FOCAD: variants seen among roughly 807,000 people sequenced by gnomAD.
FOCAD encodes the protein KIAA1797.
FOCAD carries 198 observed loss-of-function variants against 225.6 expected under a neutral mutation model. That is an observed-to-expected ratio of 0.88 (90% CI 0.78 to 0.99). FOCAD has a LOEUF of 0.99. Ranked by LOEUF, FOCAD falls within the 50% of genes least tolerant of loss-of-function variation. The pLI is 0.00. For missense variants in FOCAD, 2,713 were observed against 2,123.6 expected, an observed-to-expected ratio of 1.28 and a Z score of -5.46; for synonymous variants, 897 against 755.0, an observed-to-expected ratio of 1.19 and a Z score of -3.08.
chr9:20,749,048 C>G (rs989871617), intron 5 of FOCAD, among the ~76,000 whole-genome samples: 10 of 152,026 alleles, frequency 6.6e-5, no homozygotes, highest in African/African-American at 2.4e-4. Context: ...GATCATAGCA[C>G]ACAACTTAAT....
At chr9:20,801,986 C>G (rs1358879961) in intron 11 of FOCAD, among the ~76,000 whole-genome samples, 1 of 151,978 alleles carries the variant, frequency 6.6e-6, no homozygotes, top group Non-Finnish European at 1.5e-5. Flanking sequence ...GAGCTTTTCA[C>G]GATAGTTGTT....
At chr9:20,743,634 G>T (rs541370127) in intron 5 of FOCAD, among the ~76,000 whole-genome samples, 3 of 152,130 alleles carry the variant, frequency 2.0e-5, no homozygotes, top group African/African-American at 7.2e-5. Flanking sequence ...AACTTGTCTT[G>T]CATAAGAACC....
intron 15 of FOCAD, among the ~76,000 whole-genome samples, chr9:20,860,309 T>A (rs1828647467): frequency 1.3e-5 from 2 of 152,162 alleles, no homozygotes; most frequent in African/African-American, 4.8e-5. Context: ...CCCATTTTCA[T>A]ACTGCTGATA....
Position 20,936,153 on chromosome 9 carries a change from C to T in FOCAD, c.3407+3050C>T, listed in dbSNP as rs368848801. Among the ~76,000 whole-genome samples the T allele has an allele frequency of 1.7e-3, 259 of 152,222 alleles. 6 individuals carry two copies. In the South Asian group the frequency reaches 0.051, roughly 30 times the overall value. On this transcript the variant is annotated intron_variant, in intron 28 of 43. Coordinates refer to ENST00000338382, the MANE Select transcript of FOCAD (RefSeq NM_001375567.1). Reference sequence around the variant, plus strand: ...CGTTTTGGAACGTCAGGCATGAATCCTCTGGTGTTCATTGTTACTAGGAAT... The same window carrying T: ...CGTTTTGGAACGTCAGGCATGAATCTTCTGGTGTTCATTGTTACTAGGAAT...
Position 20,929,463 on chromosome 9 carries a change from G to A in FOCAD, c.3184G>A (p.Val1062Ile). ...PVFIISCKEK[V>I]EEILNMLTAR... Reference sequence around the variant, plus strand: ...TTTCATTATCTCTTGCAAAGAGAAGGTTGAGGAAATCCTGAACATGCTGAC... The same window carrying A: ...TTTCATTATCTCTTGCAAAGAGAAGATTGAGGAAATCCTGAACATGCTGAC... The change falls in exon 27 of 44, where the codon GTT becomes ATT. Residue 1062 changes from valine (V) to isoleucine (I), a missense_variant. Transcript: ENST00000338382. 6.2e-7 allele frequency: 1 copy of A among 1,614,112 alleles called. No individual in the cohort carries two copies. Among genetic ancestry groups the A allele is most frequent in the Non-Finnish European group, 8.5e-7 (1 of 1,180,020 alleles).
intron 1 of FOCAD, among the ~76,000 whole-genome samples, chr9:20,690,627 C>T (rs1376536084): frequency 6.6e-6 from 1 of 152,174 alleles, no homozygotes; most frequent in African/African-American, 2.4e-5. Context: ...TAGCTCGCCA[C>T]AGCCTTGAAC....
intron 4 of FOCAD, among the ~76,000 whole-genome samples, chr9:20,722,989 G>A (rs2131560595): frequency 6.6e-6 from 1 of 152,316 alleles, no homozygotes; most frequent in Middle Eastern, 3.4e-3. Context: ...TATTTGAGGT[G>A]TAATTAGAGC....
intron 1 of FOCAD, among the ~76,000 whole-genome samples, chr9:20,697,652 T>G (rs1340852002): frequency 6.6e-6 from 1 of 152,270 alleles, no homozygotes; most frequent in Non-Finnish European, 1.5e-5. Context: ...CCAAAACGTT[T>G]AAAGACCTCT....
intron 35 of FOCAD, among the ~76,000 whole-genome samples, chr9:20,963,960 C>G (rs542637220): frequency 6.6e-6 from 1 of 152,024 alleles, no homozygotes; most frequent in Non-Finnish European, 1.5e-5. Flanking sequence ...ACACTGTCTC[C>G]GCTGCTAGAG....
In FOCAD at chr9:20,949,891, A is replaced by C. The variant is rs928359913; in HGVS notation, c.3948+216A>C. Among the ~76,000 whole-genome samples the C allele has an allele frequency of 2.0e-5, 3 of 152,066 alleles. No homozygotes were observed. The East Asian group carries it at 5.8e-4, about 29-fold the overall frequency. On this transcript the variant is annotated intron_variant, in intron 33 of 43. Coordinates refer to ENST00000338382, the MANE Select transcript of FOCAD (RefSeq NM_001375567.1). Reference sequence around the variant, plus strand: ...AAAAAAGAAAGCTGGCATTTTTTTTAGTAAACTTAAGTTGGCATTGGTTTT... The same window carrying C: ...AAAAAAGAAAGCTGGCATTTTTTTTCGTAAACTTAAGTTGGCATTGGTTTT...
intron 9 of FOCAD, among the ~76,000 whole-genome samples, chr9:20,779,887 A>T (rs1819195856): frequency 6.6e-6 from 1 of 151,890 alleles, no homozygotes; most frequent in Non-Finnish European, 1.5e-5. Context: ...CATGGAGGGG[A>T]TCCTTGGCTC....
chr9:20,679,872 G>A (rs1215186087), upstream of FOCAD, among the ~76,000 whole-genome samples: 2 of 149,314 alleles, frequency 1.3e-5, no homozygotes, highest in African/African-American at 2.4e-5. Flanking sequence ...TAAGTCTAGC[G>A]CACCCTCCAC....
chr9:20,992,465 C>T (rs1444180204), intron 42 of FOCAD, among the ~76,000 whole-genome samples: 1 of 152,122 alleles, frequency 6.6e-6, no homozygotes, highest in Non-Finnish European at 1.5e-5. Flanking sequence ...GCACACAGAA[C>T]CAGGTGGGAG....
intron 15 of FOCAD, among the ~76,000 whole-genome samples, chr9:20,842,574 A>G (rs1826649139): frequency 6.6e-6 from 1 of 151,866 alleles, no homozygotes; most frequent in Non-Finnish European, 1.5e-5. Context: ...GGCATGTACT[A>G]TCTTTTCCAT....
rs200061693 is a variant in FOCAD, at chr9:20,878,193, C to T, written c.2317+3386C>T. Among the ~76,000 whole-genome samples the T allele has an allele frequency of 8.5e-5, 13 of 152,122 alleles. 1 individual carries two copies. In the East Asian group the frequency reaches 2.5e-3, roughly 29 times the overall value. ...TTTATACAATTTGTACTTCCAGTAT[C>T]GGAAAAGATGCAAAAATGAAATACA... On this transcript the variant is annotated intron_variant, in intron 19 of 43. Transcript: ENST00000338382.
In FOCAD at chr9:20,716,805, A is replaced by G. The variant is rs73647617; in HGVS notation, c.58-989A>G. The stretch of plus-strand genomic sequence containing the variant: ...TTGAGATACAGTTGGTATTGCCTGC[A>G]CATTTGTGAACTTGGGCATGATTTT... On this transcript the variant is annotated intron_variant, in intron 2 of 43. Coordinates refer to ENST00000338382, the MANE Select transcript of FOCAD (RefSeq NM_001375567.1). Among the ~76,000 whole-genome samples, 884 of 152,264 alleles carry G rather than the reference A, an allele frequency of 5.8e-3. 11 individuals carry two copies. The highest frequency in any genetic ancestry group is 0.02 in the African/African-American group (815 of 41,542).
chr9:20,957,950 C>T (rs1838355279), intron 35 of FOCAD, among the ~76,000 whole-genome samples: 1 of 151,970 alleles, frequency 6.6e-6, no homozygotes, highest in African/African-American at 2.4e-5. Context: ...CTTCAAAAAG[C>T]TTTGCCAGTT....
At chr9:20,691,021 C>T (rs112712987) in intron 1 of FOCAD, among the ~76,000 whole-genome samples, 2 of 152,044 alleles carry the variant, frequency 1.3e-5, no homozygotes, top group African/African-American at 2.4e-5. Flanking sequence ...CGGCTCACTG[C>T]AACCTTCATC....
At chr9:20,783,365 C>A (rs964438702) in intron 10 of FOCAD, among the ~76,000 whole-genome samples, 6 of 151,906 alleles carry the variant, frequency 3.9e-5, no homozygotes, top group African/African-American at 1.5e-4. Flanking sequence ...AAATGTAAGC[C>A]ACATTTTACT....
Sources: gnomAD v4.1 joint callset for allele counts (sites outside exome capture counted in the v4.1 genomes callset) on GRCh38, gnomAD v4.1.1 for gene constraint, MANE v1.5 for transcripts, NCBI Gene and HGNC (gene_info 2026-07-23, HGNC 2026-07-21) for gene names.